The following UNC13C variants were observed in gnomAD, a reference collection of about 807,000 sequenced individuals.
UNC13C encodes unc-13 homolog C.
A neutral mutation model predicts 245.4 loss-of-function variants in UNC13C; 174 were observed. The observed-to-expected ratio is 0.71, with a 90% CI of 0.63 to 0.80. UNC13C has a LOEUF of 0.80. UNC13C is among the 30% of genes least tolerant of loss of function. The pLI is 0.00. For synonymous variants in UNC13C, 992 were observed against 895.1 expected, an observed-to-expected ratio of 1.11 and a Z score of -1.93; for missense variants, 2,829 against 2,602.9, an observed-to-expected ratio of 1.09 and a Z score of -1.89.
intron 2 of UNC13C, among the ~76,000 whole-genome samples, chr15:54,027,594 C>T (rs888931341): frequency 6.6e-6 from 1 of 152,114 alleles, no homozygotes; most frequent in African/African-American, 2.4e-5. Context: ...TGGACTTGAA[C>T]TCCTGACTTC....
intron 2 of UNC13C, among the ~76,000 whole-genome samples, chr15:54,123,979 A>C (rs2030857088): frequency 6.6e-6 from 1 of 152,100 alleles, no homozygotes; most frequent in East Asian, 1.9e-4. Context: ...GGCTTTTTTC[A>C]CTTAGCATAA....
At chr15:54,292,030 A>G (rs192589415) in intron 10 of UNC13C, among the ~76,000 whole-genome samples, 6 of 152,154 alleles carry the variant, frequency 3.9e-5, no homozygotes, top group Non-Finnish European at 7.4e-5. Context: ...TACAAATACT[A>G]TAAATACTAC....
At chr15:54,370,180 ATGG>A (rs1403994614) in intron 17 of UNC13C, among the ~76,000 whole-genome samples, 2 of 152,154 alleles carry the variant, frequency 1.3e-5, no homozygotes, top group Non-Finnish European at 2.9e-5. Context: ...AAAAGACAAT[ATGG>A]TGGCTTGCTA....
intron 18 of UNC13C, among the ~76,000 whole-genome samples, chr15:54,404,521 A>G (rs1173844388): frequency 6.6e-6 from 1 of 152,132 alleles, no homozygotes; most frequent in Non-Finnish European, 1.5e-5. Flanking sequence ...CCTCTTTATG[A>G]TGGTAGATTA....
chr15:54,182,080 A>G (rs776672324), intron 4 of UNC13C, among the ~76,000 whole-genome samples: 4 of 151,844 alleles, frequency 2.6e-5, no homozygotes, highest in Non-Finnish European at 5.9e-5. Flanking sequence ...GTTGAATAGG[A>G]GTGGTTAGAG....
chr15:54,539,054 G>A (rs576398273), intron 26 of UNC13C, among the ~76,000 whole-genome samples: 1 of 151,992 alleles, frequency 6.6e-6, no homozygotes, highest in South Asian at 2.1e-4. Flanking sequence ...AACTTATTTA[G>A]TGCATTTCTT....
At chr15:53,904,013 TG>T in the UNC13C span, among the ~76,000 whole-genome samples, 2 of 152,218 alleles carry the variant, frequency 1.3e-5, no homozygotes, top group African/African-American at 4.8e-5. Flanking sequence ...TGAACTTCAG[TG>T]GCTCTTTAAT....
chr15:54,482,222 A>G (rs2141065510), intron 19 of UNC13C, among the ~76,000 whole-genome samples: 1 of 152,260 alleles, frequency 6.6e-6, no homozygotes, highest in East Asian at 1.9e-4. Flanking sequence ...GGGGGATGTC[A>G]GCAGAGCTTC....
intron 2 of UNC13C, among the ~76,000 whole-genome samples, chr15:54,060,352 C>A (rs879604879): frequency 1.0e-3 from 159 of 151,638 alleles, no homozygotes; most frequent in Non-Finnish European, 1.8e-3. Flanking sequence ...ATGCAGCCAA[C>A]AGACACATGA....
intron 4 of UNC13C, among the ~76,000 whole-genome samples, chr15:54,214,991 G>A (rs560869195): frequency 2.9e-4 from 44 of 151,716 alleles, no homozygotes; most frequent in African/African-American, 1.0e-3. Context: ...AAAGTTTTGG[G>A]GCTGCATTTT....
intron 13 of UNC13C, among the ~76,000 whole-genome samples, chr15:54,310,777 T>A (rs892956435): frequency 6.9e-6 from 1 of 143,886 alleles, no homozygotes; most frequent in Non-Finnish European, 1.5e-5. Context: ...TATCTATATC[T>A]ATATATATGT....
intron 2 of UNC13C, among the ~76,000 whole-genome samples, chr15:54,053,832 A>G (rs772861950): frequency 1.3e-5 from 2 of 152,024 alleles, no homozygotes; most frequent in Non-Finnish European, 2.9e-5. Flanking sequence ...TCTACTCTCT[A>G]TCTCCATGCG....
intron 28 of UNC13C, among the ~76,000 whole-genome samples, chr15:54,551,054 CAG>C (rs1896714636): frequency 6.6e-6 from 1 of 152,066 alleles, no homozygotes; most frequent in Non-Finnish European, 1.5e-5. Flanking sequence ...CATAAGCAAA[CAG>C]GGAATTTACT....
At chr15:54,167,437 G>C (rs1352762324) in intron 4 of UNC13C, among the ~76,000 whole-genome samples, 1 of 148,138 alleles carries the variant, frequency 6.8e-6, no homozygotes, top group African/African-American at 2.5e-5. Context: ...GGGAGGCGGA[G>C]CTTGCAGTGA....
intron 19 of UNC13C, among the ~76,000 whole-genome samples, chr15:54,476,896 G>A (rs1028767716): frequency 8.0e-5 from 12 of 150,832 alleles, no homozygotes; most frequent in Middle Eastern, 3.2e-3. Flanking sequence ...AATTACCTTG[G>A]GCAGTACGGC....
At chr15:54,340,507 T>C (rs112062543) in intron 17 of UNC13C, among the ~76,000 whole-genome samples, 38,491 of 152,110 alleles carry the variant, frequency 0.25, 5,274 homozygotes, top group Admixed American at 0.34. Context: ...TACATGTGGC[T>C]TGCCAATTAT....
chr15:54,046,246 G>C (rs533606010), intron 2 of UNC13C, among the ~76,000 whole-genome samples: 1 of 152,062 alleles, frequency 6.6e-6, no homozygotes, highest in Non-Finnish European at 1.5e-5. Flanking sequence ...TCTATGAGGC[G>C]TGTCATCAGA....
chr15:54,494,721 C>A lies in UNC13C; in HGVS notation c.5047C>A (p.Pro1683Thr), dbSNP rs1277869440. 1.2e-6 allele frequency: 2 copies of A among 1,609,648 alleles called. No individual in the cohort carries two copies. The highest frequency in any genetic ancestry group is 1.7e-6 in the Non-Finnish European group (2 of 1,178,134). Residue 1683 changes from proline to threonine, a missense_variant, in exon 20 of 33, where the codon CCT becomes ACT. Transcript: ENST00000260323. ...RELPAFKDAV[P>T]EYSLWFEPFV... is the part of the protein sequence containing the mutation. ...ACTTCCTGCCTTCAAGGATGCTGTTCCTGAATACTCCTTGTAAGTAGTGAT... is the reference window on the plus strand; with the variant it reads ...ACTTCCTGCCTTCAAGGATGCTGTTACTGAATACTCCTTGTAAGTAGTGAT...
intron 8 of UNC13C, among the ~76,000 whole-genome samples, chr15:54,259,931 G>GT (rs747521624): frequency 4.8e-4 from 71 of 148,934 alleles, no homozygotes; most frequent in East Asian, 3.0e-3. Flanking sequence ...TATTCCTGTG[G>GT]TTTTTTTTTT....
Sources: allele counts gnomAD v4.1 joint callset (sites outside exome capture counted in the v4.1 genomes callset), GRCh38; gene constraint gnomAD v4.1.1; transcripts MANE v1.5; gene names NCBI Gene and HGNC (gene_info 2026-07-23, HGNC 2026-07-21).